Variants in NUDCD1 observed in about 807,000 individuals in gnomAD.
The protein encoded by NUDCD1 is nudC domain-containing protein 1.
NUDCD1 carries 60 observed loss-of-function variants against 67.8 expected under a neutral mutation model. The observed-to-expected ratio is 0.88, with a 90% CI of 0.72 to 1.10. NUDCD1 has a LOEUF of 1.10. Among genes scored for constraint, NUDCD1 ranks in the 50% least tolerant of loss-of-function variants. The pLI is 0.00. For synonymous variants in NUDCD1, 244 were observed against 230.8 expected, an observed-to-expected ratio of 1.06 and a Z score of -0.52; for missense variants, 643 against 695.0, an observed-to-expected ratio of 0.93 and a Z score of 0.84.
chr8:109,250,020 AT>A (rs1017023098), intron 8 of NUDCD1, among the ~76,000 whole-genome samples: 14 of 151,246 alleles, frequency 9.3e-5, no homozygotes, highest in African/African-American at 3.4e-4. Flanking sequence ...GAATTTTTTT[AT>A]TTTTTGTAGA....
intron 8 of NUDCD1, among the ~76,000 whole-genome samples, chr8:109,249,404 C>T (rs1813573184): frequency 6.6e-6 from 1 of 152,176 alleles, no homozygotes; most frequent in African/African-American, 2.4e-5. Context: ...AGCTCTTATA[C>T]AATTTTATGT....
At chr8:109,333,627 C>G (rs890339562) in intron 1 of NUDCD1, among the ~76,000 whole-genome samples, 1 of 152,174 alleles carries the variant, frequency 6.6e-6, no homozygotes, top group Non-Finnish European at 1.5e-5. Context: ...ACTACCCGCA[C>G]GCCAGCCCTC....
At chr8:109,244,783 A>AT (rs1293681055) in intron 9 of NUDCD1, among the ~76,000 whole-genome samples, 1 of 152,220 alleles carries the variant, frequency 6.6e-6, no homozygotes, top group Non-Finnish European at 1.5e-5. Flanking sequence ...TCAAGCCCTA[A>AT]TTTTAAAACT....
chr8:109,329,103 GA>G (rs758409398), intron 1 of NUDCD1, among the ~76,000 whole-genome samples: 3 of 151,126 alleles, frequency 2.0e-5, no homozygotes, highest in Admixed American at 2.0e-4. Flanking sequence ...AAATACACCA[GA>G]TGGGATTAAC....
At position 109,334,076 on chromosome 8, in the gene NUDCD1, C is replaced by T. The variant is rs777317222; in HGVS notation, c.-66G>A. On this transcript the variant is annotated 5_prime_UTR_variant, in exon 1 of 10. Transcript: ENST00000239690. Reference sequence around the variant, plus strand: ...GTTGAAAGGTCCGCGCTTCACGCCTCGCACAGAGACTGGGAAGCGGCGTGG... The same window carrying T: ...GTTGAAAGGTCCGCGCTTCACGCCTTGCACAGAGACTGGGAAGCGGCGTGG... 4 of 1,602,436 alleles carry T rather than the reference C, an allele frequency of 2.5e-6. No homozygotes were observed. Among genetic ancestry groups the T allele is most frequent in the Non-Finnish European group, 3.4e-6 (4 of 1,173,576 alleles).
Position 109,322,767 on chromosome 8 carries a change from C to G in NUDCD1, c.119-304G>C, listed in dbSNP as rs1397192375. On this transcript the variant is annotated intron_variant, in intron 1 of 9. Coordinates refer to ENST00000239690, the MANE Select transcript of NUDCD1 (RefSeq NM_032869.4). ...CTCTAATAATTATGAATAAAAATAA[C>G]AGAAATTCTAAAATTGAAGAATCTA... Among the ~76,000 whole-genome samples the G allele has an allele frequency of 2.0e-5, 3 of 151,996 alleles. No individual in the cohort carries two copies. The East Asian group carries it at 5.8e-4, about 29-fold the overall frequency.
intron 7 of NUDCD1, among the ~76,000 whole-genome samples, chr8:109,274,807 C>T (rs935443603): frequency 5.9e-5 from 9 of 152,086 alleles, no homozygotes; most frequent in African/African-American, 1.4e-4. Context: ...TGATGTACTG[C>T]TGTATTTGTT....
At chr8:109,292,752 A>T (rs571265940) in intron 4 of NUDCD1, among the ~76,000 whole-genome samples, 27 of 152,180 alleles carry the variant, frequency 1.8e-4, no homozygotes, top group African/African-American at 3.4e-4. Context: ...AATTCATGAG[A>T]TTGTAATTTT....
chr8:109,252,407 C>A (rs1472754994), intron 8 of NUDCD1, among the ~76,000 whole-genome samples: 2 of 151,988 alleles, frequency 1.3e-5, no homozygotes, highest in African/African-American at 4.8e-5. Flanking sequence ...CCTTGGCAAG[C>A]TAAGATTTGA....
At chr8:109,297,787 A>G (rs192323200) in intron 2 of NUDCD1, among the ~76,000 whole-genome samples, 5 of 152,338 alleles carry the variant, frequency 3.3e-5, no homozygotes, top group Non-Finnish European at 7.4e-5. Context: ...ACAAGAGAAT[A>G]TATTTTTAAA....
At chr8:109,302,169 T>C (rs1311619789) in intron 2 of NUDCD1, among the ~76,000 whole-genome samples, 1 of 152,148 alleles carries the variant, frequency 6.6e-6, no homozygotes, top group Non-Finnish European at 1.5e-5. Context: ...AAGCATCTTA[T>C]TTTCTTCTGC....
chr8:109,322,482 A>G lies in NUDCD1; in HGVS notation c.119-19T>C, dbSNP rs779221167. The G allele has an allele frequency of 6.4e-7, 1 of 1,573,206 alleles. No homozygotes were observed. The highest frequency in any genetic ancestry group is 8.7e-7 in the Non-Finnish European group (1 of 1,150,982). On this transcript the variant is annotated intron_variant, in intron 1 of 9. Transcript: ENST00000239690. ...GCCACAGCTGAAATACAAGAAAAGCAAACATAAACATCAAGAGTTTTGCCT... is the reference window on the plus strand; with the variant it reads ...GCCACAGCTGAAATACAAGAAAAGCGAACATAAACATCAAGAGTTTTGCCT...
At chr8:109,333,642 C>T (rs1815869123) in intron 1 of NUDCD1, among the ~76,000 whole-genome samples, 1 of 152,308 alleles carries the variant, frequency 6.6e-6, no homozygotes, top group African/African-American at 2.4e-5. Context: ...GCCCTCAGAC[C>T]TCAGACCTCA....
chr8:109,291,549 T>C (rs1814712377), intron 4 of NUDCD1, among the ~76,000 whole-genome samples: 2 of 152,320 alleles, frequency 1.3e-5, no homozygotes, highest in East Asian at 1.9e-4. Flanking sequence ...AAATATACTT[T>C]ATGAAATGTT....
chr8:109,262,889 A>G (rs1439008071), intron 8 of NUDCD1, among the ~76,000 whole-genome samples: 1 of 151,652 alleles, frequency 6.6e-6, no homozygotes, highest in African/African-American at 2.4e-5. Flanking sequence ...CCTTGTCCCT[A>G]CTAAAAATAT....
At chr8:109,283,605 C>T (rs1394923827) in intron 5 of NUDCD1, among the ~76,000 whole-genome samples, 1 of 152,162 alleles carries the variant, frequency 6.6e-6, no homozygotes, top group Non-Finnish European at 1.5e-5. Context: ...CCTCACAAGC[C>T]AGGAGAGATT....
intron 2 of NUDCD1, among the ~76,000 whole-genome samples, chr8:109,308,093 T>G (rs1022799265): frequency 6.6e-6 from 1 of 152,120 alleles, no homozygotes. Context: ...AAAGAAACAA[T>G]GGATTTAAAC....
chr8:109,247,432 T>C (rs1232676662), intron 8 of NUDCD1, among the ~76,000 whole-genome samples: 1 of 152,170 alleles, frequency 6.6e-6, no homozygotes, highest in Non-Finnish European at 1.5e-5. Context: ...TAGAGGACCT[T>C]GAACCACGAA....
intron 3 of NUDCD1, 81 bp downstream of exon 3, chr8:109,296,303 G>A: frequency 1.8e-6 from 2 of 1,134,130 alleles, no homozygotes; most frequent in South Asian, 2.7e-5. Flanking sequence ...AACCATCCTT[G>A]AAAAGTGTCA....
Sources: allele counts gnomAD v4.1 joint callset (sites outside exome capture counted in the v4.1 genomes callset), GRCh38; gene constraint gnomAD v4.1.1; transcripts MANE v1.5; gene names NCBI Gene and HGNC (gene_info 2026-07-23, HGNC 2026-07-21).